The following MB21D2 variants were observed in gnomAD, a reference collection of about 807,000 sequenced individuals.
MB21D2 encodes the protein nucleotidyltransferase MB21D2.
A neutral mutation model predicts 33.3 loss-of-function variants in MB21D2; 9 were observed. The observed-to-expected ratio is 0.27, with a 90% CI of 0.16 to 0.47. MB21D2 has a LOEUF of 0.47. Ranked by LOEUF, MB21D2 falls within the 20% of genes least tolerant of loss-of-function variation. The pLI, the probability that MB21D2 is intolerant of heterozygous loss-of-function variation, is 0.99. For synonymous variants in MB21D2, 241 were observed against 236.3 expected (o/e 1.02, Z -0.18); for missense variants, 540 against 624.6 (o/e 0.86, Z 1.44).
chr3:192,803,705 G>A (rs1458963925), intron 1 of MB21D2, among the ~76,000 whole-genome samples: 1 of 152,186 alleles, frequency 6.6e-6, no homozygotes, highest in East Asian at 1.9e-4. Context: ...AAAGACAGAG[G>A]AGGGAAAATT....
intron 1 of MB21D2, among the ~76,000 whole-genome samples, chr3:192,895,602 GA>G (rs1382539382): frequency 6.6e-6 from 1 of 152,136 alleles, no homozygotes; most frequent in African/African-American, 2.4e-5. Context: ...AAAACATCCA[GA>G]AAACTATTAA....
chr3:192,901,412 T>A (rs35897058), intron 1 of MB21D2, among the ~76,000 whole-genome samples: 66,732 of 110,396 alleles, frequency 0.6, 17,652 homozygotes, highest in South Asian at 0.62. Flanking sequence ...TACTAAAAAT[T>A]CAAAAAAAAA....
intron 1 of MB21D2, among the ~76,000 whole-genome samples, chr3:192,826,114 T>C (rs566898166): frequency 4.6e-5 from 7 of 152,234 alleles, no homozygotes; most frequent in Non-Finnish European, 1.0e-4. Context: ...AGGATAGTAA[T>C]TCTGCCCTAG....
chr3:192,902,108 C>T (rs1030525608), intron 1 of MB21D2, among the ~76,000 whole-genome samples: 2 of 152,192 alleles, frequency 1.3e-5, no homozygotes, highest in Admixed American at 1.3e-4. Flanking sequence ...GAATGTTTGT[C>T]CTGGGAGCTG....
chr3:192,805,747 T>G (rs1467719173), intron 1 of MB21D2, among the ~76,000 whole-genome samples: 1 of 152,200 alleles, frequency 6.6e-6, no homozygotes, highest in Non-Finnish European at 1.5e-5. Context: ...AACAAATTGA[T>G]GAAAAGTAAG....
At chr3:192,893,011 C>T (rs1406898627) in intron 1 of MB21D2, among the ~76,000 whole-genome samples, 1 of 152,126 alleles carries the variant, frequency 6.6e-6, no homozygotes, top group African/African-American at 2.4e-5. Context: ...ATTTGCACGA[C>T]AATATTTGGC....
chr3:192,840,406 CTCTTTTT>C (rs1470878709), intron 1 of MB21D2, among the ~76,000 whole-genome samples: 5 of 117,650 alleles, frequency 4.2e-5, no homozygotes, highest in African/African-American at 9.8e-5. Flanking sequence ...AGACTTTTTT[CTCTTTTT>C]TCTTTTTTTT....
chr3:192,822,828 T>A (rs1712090471), intron 1 of MB21D2, among the ~76,000 whole-genome samples: 1 of 152,166 alleles, frequency 6.6e-6, no homozygotes, highest in African/African-American at 2.4e-5. Context: ...CTAGTCAGTG[T>A]TAGAACTAAG....
Position 192,896,433 on chromosome 3 carries a change from AACTTCGACCTCTGGGCCACAAGTGATC to A in MB21D2, c.211+21170_211+21196del, listed in dbSNP as rs554724929. Among the ~76,000 whole-genome samples, 319 of 79,912 alleles carry A rather than the reference AACTTCGACCTCTGGGCCACAAGTGATC, an allele frequency of 4.0e-3. 1 individual carries two copies. The highest frequency in any genetic ancestry group is 0.014 in the African/African-American group (304 of 21,858). The allele number at this position is 79,912 out of a possible 152,430, so 52.4% of individuals were successfully genotyped here. A position where few individuals can be genotyped will look rare whatever the true frequency, so the allele number is the denominator to read the frequency against. On this transcript the variant is annotated intron_variant, in intron 1 of 1. Coordinates refer to ENST00000392452, the MANE Select transcript of MB21D2 (RefSeq NM_178496.4). ...CTGTTGTGCAGTCATAGTACACTGC[AACTTCGACCTCTGGGCCACAAGTGATC>A]CACCCACCTCAGCCTCAAAGAAGCT...
intron 1 of MB21D2, among the ~76,000 whole-genome samples, chr3:192,871,115 C>T (rs1251442581): frequency 6.6e-6 from 1 of 152,122 alleles, no homozygotes; most frequent in Non-Finnish European, 1.5e-5. Context: ...TGTGAAGCTT[C>T]AACTCACACG....
chr3:192,813,846 G>A (rs1711847620), intron 1 of MB21D2, among the ~76,000 whole-genome samples: 1 of 152,116 alleles, frequency 6.6e-6, no homozygotes. Flanking sequence ...TGCTCTATTG[G>A]GAGGAATCTA....
rs546197161 is a variant in MB21D2 at position 192,829,596 on chromosome 3, CTGTTTA to C, written c.212-29952_212-29947del. 2.8e-3 allele frequency among the ~76,000 whole-genome samples: 428 copies of C among 152,290 alleles called. 1 individual carries two copies. The highest frequency in any genetic ancestry group is 4.5e-3 in the Non-Finnish European group (309 of 68,024). On this transcript the variant is annotated intron_variant, in intron 1 of 1. Transcript: ENST00000392452. ...GTGTGCATTCTTCCAGAGCATTCTT[CTGTTTA>C]TGTTTATGTTTGTATGTATGTATGG...
chr3:192,907,720 T>C (rs942559167), intron 1 of MB21D2, among the ~76,000 whole-genome samples: 2 of 152,214 alleles, frequency 1.3e-5, no homozygotes, highest in African/African-American at 2.4e-5. Context: ...TGATCGCAAA[T>C]AACAGTAGTT....
intron 1 of MB21D2, among the ~76,000 whole-genome samples, chr3:192,916,600 G>A (rs1714470994): frequency 6.6e-6 from 1 of 152,222 alleles, no homozygotes; most frequent in Non-Finnish European, 1.5e-5. Flanking sequence ...TGACAGCCAC[G>A]GATCCGCTGG....
At chr3:192,853,748 T>C (rs943852062) in intron 1 of MB21D2, among the ~76,000 whole-genome samples, 12 of 152,200 alleles carry the variant, frequency 7.9e-5, no homozygotes, top group African/African-American at 1.9e-4. Context: ...TTTTTACAAA[T>C]TGAAGGTCTG....
At chr3:192,908,324 C>T (rs1714255444) in intron 1 of MB21D2, among the ~76,000 whole-genome samples, 2 of 151,514 alleles carry the variant, frequency 1.3e-5, no homozygotes, top group Non-Finnish European at 2.9e-5. Flanking sequence ...TTCTTTAAAG[C>T]ATGGGAAAGA....
intron 1 of MB21D2, among the ~76,000 whole-genome samples, chr3:192,831,345 C>T (rs921250525): frequency 6.6e-6 from 1 of 152,174 alleles, no homozygotes; most frequent in African/African-American, 2.4e-5. Flanking sequence ...TCATGAGAGA[C>T]CACAAACCAG....
intron 1 of MB21D2, among the ~76,000 whole-genome samples, chr3:192,865,049 A>C (rs1189457999): frequency 3.9e-5 from 6 of 152,132 alleles, no homozygotes; most frequent in Admixed American, 6.6e-5. Context: ...TTTCTCCTCA[A>C]TCTGGCCTAC....
chr3:192,827,447 G>A (rs1487794365), intron 1 of MB21D2, among the ~76,000 whole-genome samples: 2 of 152,086 alleles, frequency 1.3e-5, no homozygotes, highest in African/African-American at 4.8e-5. Context: ...AAGATGATGT[G>A]TGTGGAACAC....
Sources: allele counts gnomAD v4.1 joint callset (sites outside exome capture counted in the v4.1 genomes callset), GRCh38; gene constraint gnomAD v4.1.1; transcripts MANE v1.5; gene names NCBI Gene and HGNC (gene_info 2026-07-23, HGNC 2026-07-21).